The following TDG variants were observed in gnomAD, a reference collection of about 807,000 sequenced individuals.
TDG encodes G/T mismatch-specific thymine DNA glycosylase.
In TDG, 23 loss-of-function variants were observed where a neutral mutation model predicts 46.1. The ratio of observed to expected loss-of-function variants is 0.50; its 90% CI spans 0.36 to 0.71. The LOEUF (loss-of-function observed/expected upper bound fraction) is 0.71. TDG is among the 30% of genes least tolerant of loss of function. The probability of loss-of-function intolerance (pLI) is 0.00; values close to 1 mark genes in which losing one functional copy is unlikely to be tolerated. For missense variants in TDG, 304 were observed against 486.7 expected, an observed-to-expected ratio of 0.62 and a Z score of 3.53; for synonymous variants, 115 against 161.3, an observed-to-expected ratio of 0.71 and a Z score of 2.18.
chr12:103,982,259 T>C (rs561034932), intron 4 of TDG, among the ~76,000 whole-genome samples: 7 of 152,212 alleles, frequency 4.6e-5, no homozygotes, highest in Non-Finnish European at 1.0e-4. Context: ...AATTCCTTTT[T>C]AAGGGAAGTT....
rs977275030 is a variant in TDG, at chr12:103,985,188, C to T, written c.964+268C>T. 3.0e-3 allele frequency among the ~76,000 whole-genome samples: 460 copies of T among 151,350 alleles called. 4 individuals are homozygous for T. The highest frequency in any genetic ancestry group is 0.011 in the African/African-American group (452 of 41,276). ...ACATACACACACACACACACACACA[C>T]ACACACACACACACACACACATTAC... On this transcript the variant is annotated intron_variant, in intron 8 of 9. Coordinates refer to ENST00000392872, the MANE Select transcript of TDG (RefSeq NM_003211.6).
At chr12:103,975,654 C>T (rs936313328) in intron 1 of TDG, among the ~76,000 whole-genome samples, 2 of 152,022 alleles carry the variant, frequency 1.3e-5, no homozygotes, top group Non-Finnish European at 2.9e-5. Flanking sequence ...CTCCTCTTGA[C>T]CTAATCACCA....
chr12:103,987,476 T>G lies in TDG; in HGVS notation c.*386T>G, dbSNP rs1872228505. 1 of 162,140 alleles carries G rather than the reference T, an allele frequency of 6.2e-6. No homozygotes were observed. The highest frequency in any genetic ancestry group is 2.4e-5 in the African/African-American group (1 of 41,862). The allele number at this position is 162,140 out of a possible 1,614,324, so 10.0% of individuals were successfully genotyped here. On this transcript the variant is annotated 3_prime_UTR_variant, in exon 10 of 10. Coordinates refer to ENST00000392872, the MANE Select transcript of TDG (RefSeq NM_003211.6). ...ATCCCTTTTATACCTAAGAAGGGCA[T>G]GCTAATAATTACCACTGTCAAAGAG...
chr12:103,988,113 G>A lies in TDG; in HGVS notation c.*1023G>A, dbSNP rs1438234549. The A allele has an allele frequency of 1.3e-5, 2 of 152,722 alleles. No homozygotes were observed. Among genetic ancestry groups the A allele is most frequent in the African/African-American group, 4.8e-5 (2 of 41,480 alleles). 9.5% of individuals were successfully genotyped at this position (152,722 alleles called of 1,614,324 possible). On this transcript the variant is annotated 3_prime_UTR_variant, in exon 10 of 10. Coordinates refer to ENST00000392872, the MANE Select transcript of TDG (RefSeq NM_003211.6). ...TAAATTAAATGAACCTCATGGAAAGGTTGAGGTGTATACCTTTGTGATTTT... is the reference window on the plus strand; with the variant it reads ...TAAATTAAATGAACCTCATGGAAAGATTGAGGTGTATACCTTTGTGATTTT...
intron 3 of TDG, 94 bp from the exon 4 acceptor site, chr12:103,980,799 A>T: frequency 3.8e-6 from 4 of 1,040,636 alleles, no homozygotes; most frequent in Non-Finnish European, 5.8e-6. Context: ...TTTGTATTTT[A>T]ATCAACTCAA....
chr12:103,979,660 C>A (rs809186), intron 2 of TDG, among the ~76,000 whole-genome samples, 171 bp from the exon 3 acceptor site: 6 of 152,032 alleles, frequency 3.9e-5, no homozygotes, highest in Middle Eastern at 3.4e-3. Context: ...GAACCCAGTT[C>A]TAGGGAGAAA....
intron 1 of TDG, among the ~76,000 whole-genome samples, chr12:103,976,021 C>T (rs1353501826): frequency 6.6e-6 from 1 of 151,248 alleles, no homozygotes; most frequent in Non-Finnish European, 1.5e-5. Flanking sequence ...GTTTTCAACA[C>T]GTGAACTTTG....
At chr12:103,979,307 T>A (rs1270948471) in intron 2 of TDG, among the ~76,000 whole-genome samples, 1 of 152,028 alleles carries the variant, frequency 6.6e-6, no homozygotes, top group Non-Finnish European at 1.5e-5. Context: ...TTTCACCATG[T>A]TGGCCAGGCT....
In TDG at chr12:103,982,803, G is replaced by T. The variant is rs1268524426; in HGVS notation, c.483G>T (p.Lys161Asn). The stretch of plus-strand genomic sequence containing the variant: ...AACTGAATTTTCATTTTACAGGGAA[G>T]TGTTTGTTTATGTCAGGGCTCAGTG... ...HYPGPGNHFWKCLFMSGLSEV... is the reference protein window; with the variant it reads ...HYPGPGNHFWNCLFMSGLSEV... The change falls in exon 5 of 10, where the codon AAG becomes AAT. Residue 161 changes from lysine to asparagine, a missense_variant. Physicochemically the swap from Lys to Asn is moderately conservative, Grantham distance 94. Transcript: ENST00000392872. 1 of 1,612,408 alleles carries T rather than the reference G, an allele frequency of 6.2e-7. No individual in the cohort carries two copies. The highest frequency in any genetic ancestry group is 8.5e-7 in the Non-Finnish European group (1 of 1,179,830).
At chr12:103,984,161 A>G (rs142114770) in intron 7 of TDG, among the ~76,000 whole-genome samples, 11 of 152,350 alleles carry the variant, frequency 7.2e-5, no homozygotes, top group East Asian at 1.9e-4. Context: ...TAAATATGCA[A>G]TTGATGAGTT....
chr12:103,988,285 GTCAA>G lies in TDG; in HGVS notation c.*1201_*1204del, dbSNP rs1369524700. ...ACGTACCCAGGGAGCATGCTGTTTT[GTCAA>G]TCAATATAAAATATTTATGAGGTCT... On this transcript the variant is annotated 3_prime_UTR_variant, in exon 10 of 10. Transcript: ENST00000392872. The G allele has an allele frequency of 6.6e-6, 1 of 152,500 alleles. No homozygotes were observed. The highest frequency in any genetic ancestry group is 1.9e-4 in the East Asian group (1 of 5,204). 9.4% of individuals were successfully genotyped at this position (152,500 alleles called of 1,614,324 possible). A position where few individuals can be genotyped will look rare whatever the true frequency, so the allele number is the denominator to read the frequency against.
chr12:103,966,094 G>A, intron 1 of TDG, 34 bp downstream of exon 1: 1 of 1,538,182 alleles, frequency 6.5e-7, no homozygotes. Context: ...CCTCCCTTGC[G>A]CCCCTCACTG....
intron 2 of TDG, among the ~76,000 whole-genome samples, chr12:103,977,835 G>C (rs143661042): frequency 2.2e-4 from 33 of 152,192 alleles, no homozygotes; most frequent in African/African-American, 7.7e-4. Flanking sequence ...AGGCTGAGGC[G>C]GGTAGATCAC....
intron 5 of TDG, 77 bp downstream of exon 5, chr12:103,983,011 T>G: frequency 6.3e-7 from 1 of 1,593,138 alleles, no homozygotes; most frequent in South Asian, 1.1e-5. Context: ...GAACATCATA[T>G]GTATCTAGTT....
intron 1 of TDG, among the ~76,000 whole-genome samples, 163 bp downstream of exon 1, chr12:103,966,223 T>A (rs1871012276): frequency 6.6e-6 from 1 of 152,212 alleles, no homozygotes; most frequent in Admixed American, 6.5e-5. Flanking sequence ...CTTCCCTGGC[T>A]GCGGCGGTGG....
intron 1 of TDG, among the ~76,000 whole-genome samples, chr12:103,973,916 C>A (rs1871391805): frequency 6.6e-6 from 1 of 152,156 alleles, no homozygotes; most frequent in South Asian, 2.1e-4. Context: ...TAAGTCATAA[C>A]TTTATTTTTA....
At chr12:103,986,831 G>T in intron 9 of TDG, 117 bp from the exon 10 acceptor site, 1 of 1,113,110 alleles carries the variant, frequency 9.0e-7, no homozygotes, top group Non-Finnish European at 1.3e-6. Flanking sequence ...GCTGCAAAGA[G>T]CTGTGATCAT....
chr12:103,986,112 A>G (rs4135133), intron 9 of TDG: 115 of 152,956 alleles, frequency 7.5e-4, no homozygotes, highest in Non-Finnish European at 1.4e-3. Flanking sequence ...TAATAGAGAC[A>G]GGGTTTCACC....
At chr12:103,981,044 T>C in intron 4 of TDG, 82 bp downstream of exon 4, 2 of 1,275,620 alleles carry the variant, frequency 1.6e-6, no homozygotes, top group Non-Finnish European at 2.2e-6. Context: ...CCAATTGTGT[T>C]TTTAAAAAGA....
Sources: allele counts gnomAD v4.1 joint callset (sites outside exome capture counted in the v4.1 genomes callset), GRCh38; gene constraint gnomAD v4.1.1; transcripts MANE v1.5; gene names NCBI Gene and HGNC (gene_info 2026-07-23, HGNC 2026-07-21).